Variants in SPATA7 observed in about 807,000 individuals in gnomAD.
SPATA7 encodes spermatogenesis-associated protein 7.
Under a neutral mutation model 51.8 loss-of-function variants are expected in SPATA7, and 43 were observed. That is an observed-to-expected ratio of 0.83 (90% CI 0.65 to 1.07). The LOEUF (loss-of-function observed/expected upper bound fraction) is 1.07, where lower values mean the gene tolerates loss of function less well. Among genes scored for constraint, SPATA7 ranks in the 50% least tolerant of loss-of-function variants. The pLI, the probability that SPATA7 is intolerant of heterozygous loss-of-function variation, is 0.00. For synonymous variants in SPATA7, 230 were observed against 252.8 expected (o/e 0.91, Z 0.86); for missense variants, 683 against 701.3 (o/e 0.97, Z 0.30).
chr14:88,437,814 A>G, intron 11 of SPATA7, 24 bp from the exon 12 acceptor site: 1 of 1,569,048 alleles, frequency 6.4e-7, no homozygotes, highest in South Asian at 1.2e-5. Context: ...TAATGTAATT[A>G]GTCTCATCTT....
At chr14:88,438,473 T>C, downstream of SPATA7, 1 of 1,372,996 alleles carries the variant, frequency 7.3e-7, no homozygotes, top group Non-Finnish European at 1.0e-6. Context: ...TTACTTTTCT[T>C]CCTTTTTTAA....
chr14:88,446,609 T>C (rs1342233318), intron 3 of SPATA7, among the ~76,000 whole-genome samples: 1 of 152,168 alleles, frequency 6.6e-6, no homozygotes, highest in African/African-American at 2.4e-5. Context: ...CTGCTTTCTC[T>C]TGTGGGCATT....
rs2077441375 is a variant in SPATA7 at position 88,470,332 on chromosome 14, A to G, written c.*465A>G. The G allele has an allele frequency of 1.7e-5, 7 of 401,606 alleles. No homozygotes were observed. In the South Asian group the frequency reaches 2.0e-4, roughly 11 times the overall value. The allele number at this position is 401,606 out of a possible 1,614,324, so 24.9% of individuals were successfully genotyped here. ...AATGTCAGTTCTCATTTATACAATA[A>G]AGATACTGCCTACCGTCATAGGGTC... On this transcript the variant is annotated 3_prime_UTR_variant, in exon 5 of 5. Transcript: ENST00000556406.
intron 10 of SPATA7, among the ~76,000 whole-genome samples, chr14:88,437,098 C>A (rs1001217053): frequency 6.7e-6 from 1 of 149,960 alleles, no homozygotes; most frequent in Non-Finnish European, 1.5e-5. Context: ...TGTCCTTTTC[C>A]ATTTTGTTCA....
rs188512284 is a variant in SPATA7, at chr14:88,454,483, G to A, written c.178-577G>A. ...GGGGAGCTGCTATTCAGCCTACCAT[G>A]ACTATAAATATCATTAACCTAATTA... On this transcript the variant is annotated intron_variant, in intron 3 of 3. Transcript: ENST00000554802. Among the ~76,000 whole-genome samples, 141 of 152,258 alleles carry A rather than the reference G, an allele frequency of 9.3e-4. 1 individual carries two copies. Among genetic ancestry groups the A allele is most frequent in the African/African-American group, 3.2e-3 (132 of 41,540 alleles).
At chr14:88,397,028 C>T (rs1005888586) in intron 4 of SPATA7, among the ~76,000 whole-genome samples, 21 of 152,106 alleles carry the variant, frequency 1.4e-4, no homozygotes, top group African/African-American at 4.6e-4. Context: ...GGACTACAGG[C>T]GCAAGCCACC....
intron 4 of SPATA7, among the ~76,000 whole-genome samples, chr14:88,405,012 ATGAC>A (rs2076166901): frequency 2.0e-5 from 3 of 152,238 alleles, no homozygotes; most frequent in Non-Finnish European, 4.4e-5. Flanking sequence ...TGGAAAAAAA[ATGAC>A]TGAGAGTCCC....
chr14:88,439,512 CAAT>C (rs1175300730), downstream of SPATA7, among the ~76,000 whole-genome samples: 1 of 152,148 alleles, frequency 6.6e-6, no homozygotes, highest in Non-Finnish European at 1.5e-5. Context: ...AGGATAAAAA[CAAT>C]AACCCATTTT....
rs370570531 is a variant in SPATA7, at chr14:88,426,342, A to G, written c.483A>G (p.Leu161=). 4 of 1,614,194 alleles carry G rather than the reference A, an allele frequency of 2.5e-6. No homozygotes were observed. Among genetic ancestry groups the G allele is most frequent in the Admixed American group, 1.7e-5 (1 of 60,024 alleles). ...CTTCAGAGAGACTACACCTAAGTCT[A>G]CATAAATCCAGTAAAGTCATCACAA... The part of the protein sequence containing the change: ...VPSSERLHLS[L]HKSSKVITNG... The change falls in exon 6 of 12, where the codon CTA becomes CTG. Residue 161 remains leucine, a synonymous_variant. Transcript: ENST00000393545.
chr14:88,447,712 T>C (rs893479027), intron 3 of SPATA7, among the ~76,000 whole-genome samples: 27 of 152,070 alleles, frequency 1.8e-4, no homozygotes, highest in Admixed American at 1.3e-4. Context: ...TTTGCTTGTC[T>C]GTAAAGGATT....
chr14:88,434,584 G>C (rs536197939), intron 10 of SPATA7, among the ~76,000 whole-genome samples: 101 of 151,570 alleles, frequency 6.7e-4, no homozygotes, highest in Non-Finnish European at 1.3e-3. Flanking sequence ...ACTCAGGAGG[G>C]TGAGGCAGGA....
chr14:88,442,579 G>T (rs937223435), downstream of SPATA7, among the ~76,000 whole-genome samples: 2 of 152,044 alleles, frequency 1.3e-5, no homozygotes, highest in African/African-American at 4.8e-5. Flanking sequence ...CTGTTTATGT[G>T]GTATATCACA....
At position 88,437,492 on chromosome 14, in the gene SPATA7, T is replaced by G. The variant is rs1313878551; in HGVS notation, c.1161-51T>G. The G allele has an allele frequency of 6.1e-6, 8 of 1,304,254 alleles. No individual in the cohort carries two copies. In the East Asian group the frequency reaches 1.8e-4, roughly 30 times the overall value. The allele number at this position is 1,304,254 out of a possible 1,614,324, so 80.8% of individuals were successfully genotyped here. The stretch of plus-strand genomic sequence containing the variant: ...CAGTGTTACGTAGCTAGTTTATATT[T>G]AGATGATTTTCTGATTTTGAGACAT... On this transcript the variant is annotated intron_variant, in intron 10 of 11. Coordinates refer to ENST00000393545, the MANE Select transcript of SPATA7 (RefSeq NM_018418.5).
intron 5 of SPATA7, among the ~76,000 whole-genome samples, chr14:88,424,896 C>T (rs963115918): frequency 6.6e-6 from 1 of 152,094 alleles, no homozygotes; most frequent in South Asian, 2.1e-4. Context: ...CAGTTATCTG[C>T]AATTTTTTTG....
rs758769147 is a variant in SPATA7, at chr14:88,470,099, T to G, written c.*232T>G. On this transcript the variant is annotated 3_prime_UTR_variant, in exon 5 of 5. Coordinates refer to the SPATA7 transcript ENST00000556406. Reference sequence around the variant, plus strand: ...AATTGATGTGTGGGTATAATATACATAGGTATGTATGCATGCATTCATGGT... The same window carrying G: ...AATTGATGTGTGGGTATAATATACAGAGGTATGTATGCATGCATTCATGGT... The G allele has an allele frequency of 3.2e-5, 51 of 1,574,554 alleles. 1 individual carries two copies. In the Middle Eastern group the frequency reaches 6.4e-3, roughly 197 times the overall value.
chr14:88,388,132 G>A (rs886919259), intron 1 of SPATA7, among the ~76,000 whole-genome samples: 13 of 151,924 alleles, frequency 8.6e-5, no homozygotes, highest in Admixed American at 1.3e-4. Context: ...AACCTGGGAG[G>A]GGGAGGTTGC....
In SPATA7 at chr14:88,437,832, T is replaced by C; in HGVS notation, c.1216-6T>C. ...TGTAATTAGTCTCATCTTTTCTTAA[T>C]CCTAGGAAAAAATGCGCCACCTGCT... On this transcript the variant is annotated splice_polypyrimidine_tract_variant and splice_region_variant and intron_variant, in intron 11 of 11. Transcript: ENST00000393545. 6.3e-7 allele frequency: 1 copy of C among 1,585,886 alleles called. No homozygotes were observed. Among genetic ancestry groups the C allele is most frequent in the Non-Finnish European group, 8.5e-7 (1 of 1,170,754 alleles).
At chr14:88,435,058 C>A (rs1335298499) in intron 10 of SPATA7, among the ~76,000 whole-genome samples, 1 of 152,146 alleles carries the variant, frequency 6.6e-6, no homozygotes, top group African/African-American at 2.4e-5. Flanking sequence ...GGGTTAAATT[C>A]TCCTAAAGGC....
intron 3 of SPATA7, among the ~76,000 whole-genome samples, chr14:88,447,210 G>T (rs1409569402): frequency 6.7e-6 from 1 of 150,216 alleles, no homozygotes; most frequent in East Asian, 1.9e-4. Flanking sequence ...AGCTCTTCTT[G>T]TTGAATTGAT....
Sources: gnomAD v4.1 joint callset for allele counts (sites outside exome capture counted in the v4.1 genomes callset) on GRCh38, gnomAD v4.1.1 for gene constraint, MANE v1.5 for transcripts, NCBI Gene and HGNC (gene_info 2026-07-23, HGNC 2026-07-21) for gene names.